RELN: variants seen among roughly 807,000 people sequenced by gnomAD.
RELN encodes reelin.
RELN carries 108 observed loss-of-function variants against 427.6 expected under a neutral mutation model. That is an observed-to-expected ratio of 0.25 (90% confidence interval 0.22 to 0.30). The LOEUF (loss-of-function observed/expected upper bound fraction) is 0.30. Among genes scored for constraint, RELN ranks in the 10% least tolerant of loss-of-function variants. The pLI is 1.00. For synonymous variants in RELN, 1,524 were observed against 1,513.4 expected (o/e 1.01, Z -0.16); for missense variants, 3,715 against 4,302.8 (o/e 0.86, Z 3.82).
At chr7:103,922,898 A>T (rs1213466852) in intron 1 of RELN, among the ~76,000 whole-genome samples, 1 of 151,968 alleles carries the variant, frequency 6.6e-6, no homozygotes. Flanking sequence ...GCAGAAAAGA[A>T]ATTAAGTAAT....
intron 1 of RELN, among the ~76,000 whole-genome samples, chr7:103,957,054 G>A (rs1584399740): frequency 1.3e-5 from 2 of 152,276 alleles, no homozygotes; most frequent in East Asian, 1.9e-4. Context: ...AGTGTGCAGG[G>A]AAGGAGAAAT....
In RELN at chr7:103,968,250, T is replaced by A. The variant is rs1174975315; in HGVS notation, c.226+20881A>T. ...GGCTAAACATTACTTTATGATATAT[T>A]ATATACAATCTTCACACAAATGACT... On this transcript the variant is annotated intron_variant, in intron 1 of 64. Coordinates refer to ENST00000428762, the MANE Select transcript of RELN (RefSeq NM_005045.4). This position sits in a 1 kb window ranked among gnomAD's most constrained non-coding sequence, Gnocchi z 4.3. 6.6e-6 allele frequency among the ~76,000 whole-genome samples: 1 copy of A among 152,036 alleles called. No individual in the cohort carries two copies. The highest frequency in any genetic ancestry group is 1.5e-5 in the Non-Finnish European group (1 of 68,006).
intron 6 of RELN, among the ~76,000 whole-genome samples, chr7:103,742,168 A>C (rs1790681351): frequency 6.6e-6 from 1 of 152,226 alleles, no homozygotes; most frequent in African/African-American, 2.4e-5. Flanking sequence ...TCTGGAGTGG[A>C]CGTCTAGCAA....
intron 11 of RELN, among the ~76,000 whole-genome samples, chr7:103,675,553 G>T (rs1334553359): frequency 6.6e-6 from 1 of 152,046 alleles, no homozygotes; most frequent in Non-Finnish European, 1.5e-5. Context: ...AGTTCATATG[G>T]AACCAAAAAA....
intron 11 of RELN, among the ~76,000 whole-genome samples, chr7:103,663,793 G>A (rs1179409532): frequency 2.0e-5 from 3 of 152,152 alleles, no homozygotes; most frequent in Non-Finnish European, 2.9e-5. Flanking sequence ...TAGCTTCTCT[G>A]TTGGCCTAGG....
intron 3 of RELN, among the ~76,000 whole-genome samples, chr7:103,785,898 T>C (rs1212063711): frequency 6.6e-6 from 1 of 151,988 alleles, no homozygotes; most frequent in Admixed American, 6.6e-5. Context: ...GATCAAAAGC[T>C]GTTTTTGATC....
Position 103,697,936 on chromosome 7 carries a change from C to G in RELN, c.1060G>C (p.Ala354Pro), listed in dbSNP as rs1011011137. The G allele has an allele frequency of 6.2e-7, 1 of 1,613,668 alleles. No individual in the cohort carries two copies. Among genetic ancestry groups the G allele is most frequent in the African/African-American group, 1.3e-5 (1 of 74,894 alleles). ...ALDNILIINSAHRQVVLEDSL... is the reference protein window; with the variant it reads ...ALDNILIINSPHRQVVLEDSL... Reference sequence around the variant, plus strand: ...TCTTCTAAAACGACTTGTCTGTGAGCTGAATTGATGATCAAGATGTTATCT... The same window carrying G: ...TCTTCTAAAACGACTTGTCTGTGAGGTGAATTGATGATCAAGATGTTATCT... Residue 354 changes from alanine to proline, a missense_variant, in exon 10 of 65, where the codon GCT (alanine) becomes CCT (proline). Ala to Pro is a conservative substitution (Grantham distance 27). Transcript: ENST00000428762.
At chr7:103,545,047 T>C (rs1830257176) in intron 42 of RELN, 77 bp downstream of exon 42, 1 of 999,030 alleles carries the variant, frequency 1.0e-6, no homozygotes, top group Non-Finnish European at 1.6e-6. Flanking sequence ...AACTTAATGA[T>C]TAGTTATCTA....
At chr7:103,912,425 C>A (rs1359203462) in intron 2 of RELN, among the ~76,000 whole-genome samples, 1 of 152,098 alleles carries the variant, frequency 6.6e-6, no homozygotes, top group Non-Finnish European at 1.5e-5. Flanking sequence ...ACCTTGTGAT[C>A]TGCCCCACTT....
intron 1 of RELN, among the ~76,000 whole-genome samples, chr7:103,983,102 G>A (rs1468145609): frequency 1.3e-5 from 2 of 152,190 alleles, no homozygotes; most frequent in African/African-American, 4.8e-5. Context: ...GGGATTCAAT[G>A]CTATCTAATT....
intron 1 of RELN, among the ~76,000 whole-genome samples, chr7:103,946,829 A>G (rs1047314177): frequency 6.6e-5 from 10 of 152,202 alleles, no homozygotes; most frequent in Non-Finnish European, 1.0e-4. Flanking sequence ...CACTCATGAT[A>G]AGCAGAAGTA....
intron 10 of RELN, among the ~76,000 whole-genome samples, chr7:103,697,021 C>T (rs1324270598): frequency 6.6e-6 from 1 of 152,134 alleles, no homozygotes; most frequent in Non-Finnish European, 1.5e-5. Flanking sequence ...GTGCTTGCAC[C>T]TTCCAGCCTC....
intron 4 of RELN, among the ~76,000 whole-genome samples, chr7:103,772,038 G>A (rs1229694045): frequency 1.3e-5 from 2 of 152,124 alleles, no homozygotes; most frequent in African/African-American, 2.4e-5. Context: ...GGTCCTGCAC[G>A]ATCTGCTCCA....
At chr7:103,733,124 G>T (rs1469023795) in intron 6 of RELN, among the ~76,000 whole-genome samples, 1 of 152,096 alleles carries the variant, frequency 6.6e-6, no homozygotes, top group African/African-American at 2.4e-5. Flanking sequence ...CAAAAAGTGG[G>T]CGAAGGACAT....
intron 12 of RELN, among the ~76,000 whole-genome samples, chr7:103,656,133 TC>T (rs1833018003): frequency 6.6e-6 from 1 of 152,056 alleles, no homozygotes; most frequent in Admixed American, 6.6e-5. Flanking sequence ...AGGTGTCTTC[TC>T]TATATGACAC....
At chr7:103,722,332 C>T (rs1352664242) in intron 8 of RELN, among the ~76,000 whole-genome samples, 2 of 152,082 alleles carry the variant, frequency 1.3e-5, no homozygotes, top group African/African-American at 2.4e-5. Context: ...GGCAGACCTT[C>T]TAAGATATGG....
rs187347311 is a variant in RELN at position 103,982,876 on chromosome 7, G to A, written c.226+6255C>T. Among the ~76,000 whole-genome samples, 275 of 152,222 alleles carry A rather than the reference G, an allele frequency of 1.8e-3. 2 individuals carry two copies. The highest frequency in any genetic ancestry group is 1.1e-3 in the Non-Finnish European group (77 of 68,006). ...GGGTCTCACTTCGTTGCTCAGGCTG[G>A]TCTTGAAATCCTGGGCTCAAGTGAT... On this transcript the variant is annotated intron_variant, in intron 1 of 64. Coordinates refer to ENST00000428762, the MANE Select transcript of RELN (RefSeq NM_005045.4).
rs375118721 is a variant in RELN at position 103,574,169 on chromosome 7, G to A, written c.4434C>T (p.Asn1478=). The A allele has an allele frequency of 3.1e-6, 5 of 1,614,042 alleles. No individual in the cohort carries two copies. The highest frequency in any genetic ancestry group is 4.2e-6 in the Non-Finnish European group (5 of 1,180,030). ...AQVGTGCGTL[N]DGKSLYFNGP... is the part of the protein sequence containing the mutation. ...CATTGAAGTAGAGAGATTTGCCATC[G>A]TTAAGTGTTCCACAGCCAGTTCCAA... Residue 1478 remains asparagine, a synonymous_variant, in exon 30 of 65, where the codon AAC becomes AAT. Transcript: ENST00000428762.
chr7:103,951,304 TTA>T (rs1796326349), intron 1 of RELN, among the ~76,000 whole-genome samples: 1 of 152,212 alleles, frequency 6.6e-6, no homozygotes, highest in African/African-American at 2.4e-5. Flanking sequence ...TGTCTTTGAA[TTA>T]TATCAAAACA....
Sources: gnomAD v4.1 joint callset for allele counts (sites outside exome capture counted in the v4.1 genomes callset) on GRCh38, gnomAD v4.1.1 for gene constraint, Gnocchi (gnomAD v3.1) non-coding constraint, MANE v1.5 for transcripts, NCBI Gene and HGNC (gene_info 2026-07-23, HGNC 2026-07-21) for gene names.